The following RANBP17 variants were observed in gnomAD, a reference collection of about 807,000 sequenced individuals.
The protein encoded by RANBP17 is RAN binding protein 17, also known as ran-binding protein 17.
Under a neutral mutation model 141.2 loss-of-function variants are expected in RANBP17, and 158 were observed. The ratio of observed to expected loss-of-function variants is 1.12; its 90% CI spans 0.98 to 1.28. The LOEUF (loss-of-function observed/expected upper bound fraction) is 1.28, where lower values mean the gene tolerates loss of function less well. Ranked by LOEUF, RANBP17 falls within the 50% of genes most tolerant of loss-of-function variation. The probability of loss-of-function intolerance (pLI) is 0.00; values close to 1 mark genes in which losing one functional copy is unlikely to be tolerated. For synonymous variants in RANBP17, 430 were observed against 450.0 expected (o/e 0.96, Z 0.56); for missense variants, 1,438 against 1,290.7 (o/e 1.11, Z -1.75).
At chr5:171,116,637 A>G (rs1174036580) in intron 14 of RANBP17, among the ~76,000 whole-genome samples, 1 of 152,216 alleles carries the variant, frequency 6.6e-6, no homozygotes, top group Non-Finnish European at 1.5e-5. Context: ...GATTATTAGC[A>G]TATCCATCAT....
At chr5:170,934,311 G>A (rs1561906187) in intron 12 of RANBP17, among the ~76,000 whole-genome samples, 3 of 152,158 alleles carry the variant, frequency 2.0e-5, no homozygotes, top group African/African-American at 4.8e-5. Context: ...GTGTGTCTCT[G>A]CACATGAGAT....
At chr5:170,900,831 A>T (rs1581098155) in intron 5 of RANBP17, among the ~76,000 whole-genome samples, 1 of 152,114 alleles carries the variant, frequency 6.6e-6, no homozygotes, top group East Asian at 1.9e-4. Flanking sequence ...GTTTTGAGTG[A>T]GTTTCTTAAT....
chr5:170,928,673 A>G (rs1397576991), intron 12 of RANBP17, among the ~76,000 whole-genome samples: 14 of 151,966 alleles, frequency 9.2e-5, no homozygotes, highest in Admixed American at 9.2e-4. Context: ...GTTCTGTACC[A>G]CTGATCTATA....
chr5:171,008,205 T>TCTA (rs1260272255), intron 14 of RANBP17, among the ~76,000 whole-genome samples: 4 of 152,152 alleles, frequency 2.6e-5, no homozygotes, highest in Non-Finnish European at 5.9e-5. Flanking sequence ...GGAAAAGATC[T>TCTA]GGAATTGGAA....
rs145822469 is a variant in RANBP17 at position 170,918,815 on chromosome 5, G to C, written c.1057G>C (p.Glu353Gln). Residue 353 changes from glutamate to glutamine, a missense_variant, in exon 10 of 28, where the codon GAA becomes CAA. Glu to Gln is a conservative substitution (Grantham distance 29). Coordinates refer to ENST00000523189, the MANE Select transcript of RANBP17 (RefSeq NM_022897.5). ...GELVMVKEYPEVIRLIANFTI... is the reference protein window; with the variant it reads ...GELVMVKEYPQVIRLIANFTI... ...ATTAGTTATGGTGAAGGAATATCCT[G>C]AAGTTATTAGATTGATTGCTAATTT... The C allele has an allele frequency of 8.4e-4, 1,332 of 1,594,844 alleles. No individual in the cohort carries two copies. The highest frequency in any genetic ancestry group is 1.7e-3 in the Middle Eastern group (10 of 6,018).
intron 14 of RANBP17, among the ~76,000 whole-genome samples, chr5:171,095,458 A>G (rs1786619990): frequency 6.6e-6 from 1 of 152,148 alleles, no homozygotes; most frequent in South Asian, 2.1e-4. Context: ...GAACTTATGT[A>G]GGACATTACT....
intron 14 of RANBP17, among the ~76,000 whole-genome samples, chr5:171,008,008 A>C (rs1779773420): frequency 6.6e-6 from 1 of 152,092 alleles, no homozygotes; most frequent in African/African-American, 2.4e-5. Flanking sequence ...CACCAAGGGA[A>C]TATGGGTAAA....
At chr5:171,228,311 A>G (rs998454016) in intron 22 of RANBP17, among the ~76,000 whole-genome samples, 13 of 152,222 alleles carry the variant, frequency 8.5e-5, no homozygotes, top group African/African-American at 2.9e-4. Flanking sequence ...GTGACTTTGA[A>G]GAGTTCAAGA....
intron 14 of RANBP17, among the ~76,000 whole-genome samples, chr5:171,071,570 T>C (rs959990203): frequency 6.7e-6 from 1 of 150,046 alleles, no homozygotes; most frequent in Non-Finnish European, 1.5e-5. Flanking sequence ...ATCAACTGAC[T>C]GTTGGCAGAA....
chr5:171,135,756 G>C (rs115181349), intron 14 of RANBP17, among the ~76,000 whole-genome samples: 1 of 152,002 alleles, frequency 6.6e-6, no homozygotes, highest in Admixed American at 6.6e-5. Context: ...TTAAAATACC[G>C]TATATTGAAT....
At chr5:171,167,565 TC>T in intron 14 of RANBP17, among the ~76,000 whole-genome samples, 1 of 152,306 alleles carries the variant, frequency 6.6e-6, no homozygotes, top group Middle Eastern at 3.4e-3. Context: ...ATATAAATGA[TC>T]CTGTGTACCA....
At chr5:170,966,630 G>C (rs1269587753) in intron 13 of RANBP17, among the ~76,000 whole-genome samples, 1 of 151,726 alleles carries the variant, frequency 6.6e-6, no homozygotes, top group Admixed American at 6.6e-5. Flanking sequence ...TTGAAAACTG[G>C]CACAAGACAG....
In RANBP17 at chr5:171,029,762, A is replaced by T. The variant is rs568088315; in HGVS notation, c.1710+61385A>T. Among the ~76,000 whole-genome samples the T allele has an allele frequency of 8.2e-4, 124 of 152,110 alleles. 1 individual carries two copies. The South Asian group carries it at 0.012, about 14-fold the overall frequency. ...AAATAGCCTCTTATTTTTCAAAAAAATTTTTTTATTTGAGGAAAAAAATCT... is the reference window on the plus strand; with the variant it reads ...AAATAGCCTCTTATTTTTCAAAAAATTTTTTTTATTTGAGGAAAAAAATCT... On this transcript the variant is annotated intron_variant, in intron 14 of 27. Transcript: ENST00000523189.
rs115946598 is a variant in RANBP17 at position 170,921,848 on chromosome 5, C to T, written c.1274+2235C>T. ...CTGTCAACTCATCAAACTCAGTCTCCGTCCAGTTTTGTTCCCTTGCTGGTG... is the reference window on the plus strand; with the variant it reads ...CTGTCAACTCATCAAACTCAGTCTCTGTCCAGTTTTGTTCCCTTGCTGGTG... On this transcript the variant is annotated intron_variant, in intron 11 of 27. Transcript: ENST00000523189. 6.1e-3 allele frequency among the ~76,000 whole-genome samples: 922 copies of T among 152,260 alleles called. 11 individuals carry two copies. Among genetic ancestry groups the T allele is most frequent in the Middle Eastern group, 0.024 (7 of 294 alleles).
At chr5:170,971,669 G>T (rs897793252) in intron 14 of RANBP17, among the ~76,000 whole-genome samples, 9 of 152,012 alleles carry the variant, frequency 5.9e-5, no homozygotes, top group African/African-American at 2.2e-4. Context: ...TTTCCCTTTT[G>T]TACCTCTTGT....
intron 18 of RANBP17, among the ~76,000 whole-genome samples, chr5:171,189,439 G>A (rs895400069): frequency 1.3e-5 from 2 of 152,162 alleles, no homozygotes; most frequent in Non-Finnish European, 2.9e-5. Context: ...TCAAGGTATG[G>A]ACTATCTTTT....
intron 2 of RANBP17, among the ~76,000 whole-genome samples, chr5:170,881,186 T>C (rs1167557400): frequency 1.3e-5 from 2 of 152,202 alleles, no homozygotes; most frequent in African/African-American, 2.4e-5. Context: ...ACAGGCAGGA[T>C]TTGGTCAAGG....
intron 8 of RANBP17, 82 bp downstream of exon 8, chr5:170,914,322 TTA>T (rs34458065): frequency 0.67 from 535,292 of 796,882 alleles, 187,305 homozygotes; most frequent in South Asian, 0.89. Context: ...AAAATTCTGT[TTA>T]TATATTCAAT....
intron 14 of RANBP17, among the ~76,000 whole-genome samples, chr5:170,992,169 G>T (rs575752175): frequency 1.3e-5 from 2 of 151,944 alleles, no homozygotes; most frequent in Non-Finnish European, 1.5e-5. Context: ...TTTGATGCTT[G>T]TGTTGCATTT....
Sources: gnomAD v4.1 joint callset for allele counts (sites outside exome capture counted in the v4.1 genomes callset) on GRCh38, gnomAD v4.1.1 for gene constraint, MANE v1.5 for transcripts, NCBI Gene and HGNC (gene_info 2026-07-23, HGNC 2026-07-21) for gene names.